The following ADCY9 variants were observed in gnomAD, a reference collection of about 807,000 sequenced individuals.
The protein encoded by ADCY9 is adenylate cyclase type 9.
A neutral mutation model predicts 101.5 loss-of-function variants in ADCY9; 50 were observed. That is an observed-to-expected ratio of 0.49 (90% CI 0.39 to 0.62). ADCY9 has a LOEUF of 0.62. Ranked by LOEUF, ADCY9 falls within the 20% of genes least tolerant of loss-of-function variation. ADCY9 has a pLI of 0.00. For missense variants in ADCY9, 1,662 were observed against 1,800.4 expected, an observed-to-expected ratio of 0.92 and a Z score of 1.39; for synonymous variants, 905 against 769.3, an observed-to-expected ratio of 1.18 and a Z score of -2.92.
At chr16:4,077,728 G>T (rs117911826) in intron 2 of ADCY9, among the ~76,000 whole-genome samples, 1 of 152,120 alleles carries the variant, frequency 6.6e-6, no homozygotes, top group African/African-American at 2.4e-5. Flanking sequence ...GGCCAGGCGC[G>T]GTGACTCACA....
chr16:4,113,670 T>G, intron 2 of ADCY9, 80 bp downstream of exon 2: 1 of 1,516,790 alleles, frequency 6.6e-7, no homozygotes, highest in African/African-American at 1.4e-5. Flanking sequence ...CTGCAGACAC[T>G]GAGGCTGGAA....
rs367980802 is a variant in ADCY9, at chr16:4,025,375, C to CAAAA, written c.1694-17821_1694-17818dup. Among the ~76,000 whole-genome samples the CAAAA allele has an allele frequency of 2.7e-4, 35 of 130,362 alleles. 2 individuals are homozygous for CAAAA. Among genetic ancestry groups the CAAAA allele is most frequent in the Non-Finnish European group, 4.0e-4 (25 of 63,002 alleles). The allele number at this position is 130,362 out of a possible 152,430, so 85.5% of individuals were successfully genotyped here. A position where few individuals can be genotyped will look rare whatever the true frequency, so the allele number is the denominator to read the frequency against. On this transcript the variant is annotated intron_variant, in intron 2 of 10. Coordinates refer to ENST00000294016, the MANE Select transcript of ADCY9 (RefSeq NM_001116.4). ...GGGCAACAGAGCAAGACTCTGTCTC[C>CAAAA]AAAAAAAAAAAAAAAGAAGTGGATC...
At chr16:4,023,841 T>C (rs12934682) in intron 2 of ADCY9, among the ~76,000 whole-genome samples, 8,703 of 151,562 alleles carry the variant, frequency 0.057, 332 homozygotes, top group Non-Finnish European at 0.09. Context: ...ACCCAGGAGG[T>C]GGAGGCTGCA....
chr16:3,993,395 G>T lies in ADCY9; in HGVS notation c.1989+11C>A. 1 of 1,613,320 alleles carries T rather than the reference G, an allele frequency of 6.2e-7. No individual in the cohort carries two copies. The highest frequency in any genetic ancestry group is 1.1e-5 in the South Asian group (1 of 91,064). On this transcript the variant is annotated intron_variant, in intron 4 of 10. Coordinates refer to ENST00000294016, the MANE Select transcript of ADCY9 (RefSeq NM_001116.4). Reference sequence around the variant, plus strand: ...AGGAACTGACAGGAACAACAGCCATGAGCTTGTTACCTTGGTGCTGTTTTT... The same window carrying T: ...AGGAACTGACAGGAACAACAGCCATTAGCTTGTTACCTTGGTGCTGTTTTT...
At chr16:3,962,348 T>C (rs1245990930), downstream of ADCY9, among the ~76,000 whole-genome samples, 1 of 152,226 alleles carries the variant, frequency 6.6e-6, no homozygotes, top group African/African-American at 2.4e-5. Context: ...TTAGGAGGCC[T>C]GACAGGGAAA....
At chr16:4,102,547 G>C (rs1017107300) in intron 2 of ADCY9, among the ~76,000 whole-genome samples, 1 of 151,736 alleles carries the variant, frequency 6.6e-6, no homozygotes. Flanking sequence ...TACCTCAGCC[G>C]CCCGAGTAGC....
Position 4,044,637 on chromosome 16 carries a change from T to G in ADCY9, c.1694-37079A>C, listed in dbSNP as rs1002236928. Reference sequence around the variant, plus strand: ...TTTAACCACGAGCCACTTTAATGTATATCAGTTTTATCTCTGGAGCTTCAT... The same window carrying G: ...TTTAACCACGAGCCACTTTAATGTAGATCAGTTTTATCTCTGGAGCTTCAT... On this transcript the variant is annotated intron_variant, in intron 2 of 10. Coordinates refer to ENST00000294016, the MANE Select transcript of ADCY9 (RefSeq NM_001116.4). Among the ~76,000 whole-genome samples, 3 of 152,224 alleles carry G rather than the reference T, an allele frequency of 2.0e-5. No individual in the cohort carries two copies. The East Asian group carries it at 5.8e-4, about 29-fold the overall frequency.
intron 7 of ADCY9, 31 bp from the exon 8 acceptor site, chr16:3,979,306 A>G (rs1348675948): frequency 6.2e-7 from 1 of 1,610,218 alleles, no homozygotes; most frequent in East Asian, 2.2e-5. Context: ...AGCAGGAGCG[A>G]CGGGGCCCGG....
At chr16:4,009,623 C>T (rs1302674713) in intron 2 of ADCY9, among the ~76,000 whole-genome samples, 1 of 152,176 alleles carries the variant, frequency 6.6e-6, no homozygotes, top group Non-Finnish European at 1.5e-5. Flanking sequence ...AACAAAAACC[C>T]ACATCCCAAT....
intron 2 of ADCY9, among the ~76,000 whole-genome samples, chr16:4,064,530 T>C (rs754007558): frequency 6.6e-6 from 1 of 152,172 alleles, no homozygotes; most frequent in Non-Finnish European, 1.5e-5. Context: ...TGGAGTACAA[T>C]GGCACAATCA....
intron 3 of ADCY9, among the ~76,000 whole-genome samples, chr16:3,998,708 CAAAAAAAAAAA>C (rs1165056665): frequency 3.3e-3 from 12 of 3,604 alleles, no homozygotes; most frequent in South Asian, 0.013. Flanking sequence ...AACTCTGTCT[CAAAAAAAAAAA>C]AAAAAAAAAA....
intron 2 of ADCY9, among the ~76,000 whole-genome samples, chr16:4,035,675 G>A (rs1024207674): frequency 3.9e-5 from 6 of 151,966 alleles, no homozygotes; most frequent in African/African-American, 9.7e-5. Context: ...TTTCATGCTC[G>A]ACCTCCAGCC....
In ADCY9 at chr16:3,994,518, C is replaced by T. The variant is rs184265735; in HGVS notation, c.1885-1008G>A. Reference sequence around the variant, plus strand: ...TCACCCAGGCTGGAGTACAGTGTCACGATCTTGGCTCACTGCAACGTCCAC... The same window carrying T: ...TCACCCAGGCTGGAGTACAGTGTCATGATCTTGGCTCACTGCAACGTCCAC... On this transcript the variant is annotated intron_variant, in intron 3 of 10. Coordinates refer to ENST00000294016, the MANE Select transcript of ADCY9 (RefSeq NM_001116.4). Among the ~76,000 whole-genome samples the T allele has an allele frequency of 6.6e-4, 101 of 152,290 alleles. 1 individual carries two copies. Among genetic ancestry groups the T allele is most frequent in the Non-Finnish European group, 1.2e-3 (84 of 68,028 alleles).
chr16:4,057,857 C>T (rs371190820), intron 2 of ADCY9, among the ~76,000 whole-genome samples: 6 of 152,068 alleles, frequency 3.9e-5, no homozygotes, highest in African/African-American at 1.2e-4. Flanking sequence ...AAACCAAGGC[C>T]CAGGGAACCC....
chr16:4,039,032 C>T (rs1247105865), intron 2 of ADCY9, among the ~76,000 whole-genome samples: 2 of 152,124 alleles, frequency 1.3e-5, no homozygotes, highest in Non-Finnish European at 2.9e-5. Flanking sequence ...TTAGAGAATA[C>T]GGATTATGTG....
chr16:4,034,029 C>G (rs1162353885), intron 2 of ADCY9, among the ~76,000 whole-genome samples: 1 of 152,172 alleles, frequency 6.6e-6, no homozygotes, highest in African/African-American at 2.4e-5. Context: ...ATGAGGGGAA[C>G]AACGAAAGAT....
chr16:4,111,662 G>C (rs1376009416), intron 2 of ADCY9, among the ~76,000 whole-genome samples: 1 of 152,108 alleles, frequency 6.6e-6, no homozygotes, highest in Non-Finnish European at 1.5e-5. Flanking sequence ...TGGTCTCAGA[G>C]AAAGAGCTAA....
intron 2 of ADCY9, among the ~76,000 whole-genome samples, chr16:4,019,664 C>A (rs1027534954): frequency 6.6e-6 from 1 of 152,254 alleles, no homozygotes; most frequent in Middle Eastern, 3.4e-3. Context: ...GAGCTCTGCA[C>A]AGACCCTGGA....
intron 2 of ADCY9, among the ~76,000 whole-genome samples, chr16:4,046,089 G>A (rs570681687): frequency 6.6e-6 from 1 of 152,106 alleles, no homozygotes; most frequent in East Asian, 1.9e-4. Context: ...GGGCTCAAGT[G>A]ATACTCCTGC....
Sources: allele counts gnomAD v4.1 joint callset (sites outside exome capture counted in the v4.1 genomes callset), GRCh38; gene constraint gnomAD v4.1.1; transcripts MANE v1.5; gene names NCBI Gene and HGNC (gene_info 2026-07-23, HGNC 2026-07-21).